ARL3: variants seen among roughly 807,000 people sequenced by gnomAD.
The protein encoded by ARL3 is ADP-ribosylation factor-like protein 3.
ARL3 carries 9 observed loss-of-function variants against 26.0 expected under a neutral mutation model. The observed-to-expected ratio is 0.35, with a 90% CI of 0.21 to 0.60. ARL3 has a LOEUF of 0.60. Ranked by LOEUF, ARL3 falls within the 20% of genes least tolerant of loss-of-function variation. The probability of loss-of-function intolerance (pLI) is 0.78; values close to 1 mark genes in which losing one functional copy is unlikely to be tolerated. For missense variants in ARL3, 158 were observed against 215.7 expected (o/e 0.73, Z 1.67); for synonymous variants, 71 against 78.4 (o/e 0.91, Z 0.50).
intron 3 of ARL3, among the ~76,000 whole-genome samples, chr10:102,694,263 A>G (rs1453012906): frequency 1.3e-5 from 2 of 152,212 alleles, no homozygotes; most frequent in African/African-American, 4.8e-5. Flanking sequence ...TGCTGGGATT[A>G]CAGGCATGAG....
chr10:102,694,656 C>T (rs756353450), intron 3 of ARL3, among the ~76,000 whole-genome samples: 5 of 151,978 alleles, frequency 3.3e-5, no homozygotes, highest in Non-Finnish European at 7.4e-5. Context: ...TCATGTAAGC[C>T]TATTTTGGGG....
chr10:102,686,493 T>G (rs954628833), intron 4 of ARL3, among the ~76,000 whole-genome samples: 9 of 148,972 alleles, frequency 6.0e-5, no homozygotes, highest in African/African-American at 2.3e-4. Flanking sequence ...AGACAGGGTC[T>G]CGCTCTGTCG....
intron 1 of ARL3, among the ~76,000 whole-genome samples, chr10:102,712,120 A>C (rs758891207): frequency 2.6e-5 from 4 of 152,164 alleles, no homozygotes; most frequent in Non-Finnish European, 4.4e-5. Context: ...TTCATCAAGA[A>C]CCTGGCACTG....
At position 102,689,853 on chromosome 10, in the gene ARL3, T is replaced by C. The variant is rs752416943; in HGVS notation, c.315+40A>G. ...TCAAAAAAAAAAAAGTACATACATA[T>C]ATATATATAAGAACTTTGATATAAA... On this transcript the variant is annotated intron_variant, in intron 4 of 5. Transcript: ENST00000260746. 20 of 1,306,912 alleles carry C rather than the reference T, an allele frequency of 1.5e-5. No homozygotes were observed. In the South Asian group the frequency reaches 1.6e-4, roughly 10 times the overall value. The allele number at this position is 1,306,912 out of a possible 1,614,324, so 81.0% of individuals were successfully genotyped here.
rs77149574 is a variant in ARL3 at position 102,698,257 on chromosome 10, G to A, written c.264+1116C>T. ...CACTCTGTCTTCCAGGCTGGAGTGT[G>A]GTGGCCTGATCTCAATCTGGGCTCA... is the stretch of plus-strand genomic sequence containing the variant. On this transcript the variant is annotated intron_variant, in intron 3 of 5. Transcript: ENST00000260746. 1.6e-3 allele frequency among the ~76,000 whole-genome samples: 238 copies of A among 151,720 alleles called. 2 individuals are homozygous for A. Among genetic ancestry groups the A allele is most frequent in the African/African-American group, 5.5e-3 (229 of 41,370 alleles).
At chr10:102,712,850 A>C (rs1408835510) in intron 1 of ARL3, among the ~76,000 whole-genome samples, 1 of 152,212 alleles carries the variant, frequency 6.6e-6, no homozygotes, top group Non-Finnish European at 1.5e-5. Context: ...TCACGTATAA[A>C]TGATTAAGAA....
intron 3 of ARL3, among the ~76,000 whole-genome samples, chr10:102,693,055 C>G (rs1245073015): frequency 2.0e-5 from 3 of 152,176 alleles, no homozygotes; most frequent in Admixed American, 2.0e-4. Context: ...CAATATTCTA[C>G]TATACGGGTG....
chr10:102,698,339 G>A (rs2064260725), intron 3 of ARL3, among the ~76,000 whole-genome samples: 1 of 151,938 alleles, frequency 6.6e-6, no homozygotes, highest in Admixed American at 6.6e-5. Context: ...ACCCCAAACT[G>A]CTGAGATTAC....
Position 102,689,166 on chromosome 10 carries a change from T to C in ARL3, c.315+727A>G, listed in dbSNP as rs192014154. On this transcript the variant is annotated intron_variant, in intron 4 of 5. Coordinates refer to ENST00000260746, the MANE Select transcript of ARL3 (RefSeq NM_004311.4). Reference sequence around the variant, plus strand: ...GGTGAAACCCTGTCTCTACTAAAAATACAAAAAAATTAGCCGGGCGTGGTG... The same window carrying C: ...GGTGAAACCCTGTCTCTACTAAAAACACAAAAAAATTAGCCGGGCGTGGTG... 2.1e-3 allele frequency among the ~76,000 whole-genome samples: 320 copies of C among 151,672 alleles called. 3 individuals are homozygous for C. Among genetic ancestry groups the C allele is most frequent in the African/African-American group, 7.6e-3 (314 of 41,352 alleles).
At chr10:102,712,693 A>G (rs755126585) in intron 1 of ARL3, among the ~76,000 whole-genome samples, 1 of 151,928 alleles carries the variant, frequency 6.6e-6, no homozygotes, top group Non-Finnish European at 1.5e-5. Context: ...AAGTTAGCCA[A>G]CTCTCATGCA....
rs1477938633 is a variant in ARL3, at chr10:102,711,354, GTATGTA to G, written c.3+2913_3+2918del. Reference sequence around the variant, plus strand: ...TGTGTGTGTATATATATATATATATGTATGTATATGTATCTGTATATATATATGTAT... The same window carrying G: ...TGTGTGTGTATATATATATATATATGTATGTATCTGTATATATATATGTAT... On this transcript the variant is annotated intron_variant, in intron 1 of 5. Transcript: ENST00000260746. Among the ~76,000 whole-genome samples the G allele has an allele frequency of 6.1e-5, 9 of 148,684 alleles. 1 individual carries two copies. In the South Asian group the frequency reaches 6.4e-4, roughly 11 times the overall value.
chr10:102,693,106 T>G (rs2064228527), intron 3 of ARL3, among the ~76,000 whole-genome samples: 1 of 152,234 alleles, frequency 6.6e-6, no homozygotes, highest in Non-Finnish European at 1.5e-5. Context: ...GAAGGACATC[T>G]TGGATGCTTC....
rs566866967 is a variant in ARL3, at chr10:102,676,850, C to T, written c.*44G>A. On this transcript the variant is annotated 3_prime_UTR_variant, in exon 6 of 6. Coordinates refer to ENST00000260746, the MANE Select transcript of ARL3 (RefSeq NM_004311.4). ...GCAGCAAATTAGTGTTTTTCAGGAC[C>T]GAATTCGGCTCCCGCAGCTCCTGCA... The T allele has an allele frequency of 1.0e-5, 16 of 1,602,938 alleles. No homozygotes were observed. The highest frequency in any genetic ancestry group is 7.7e-5 in the South Asian group (7 of 90,810).
At chr10:102,708,908 A>ATATTTT in intron 1 of ARL3, among the ~76,000 whole-genome samples, 4 of 95,326 alleles carry the variant, frequency 4.2e-5, no homozygotes, top group African/African-American at 8.4e-5. Flanking sequence ...ATATATATAT[A>ATATTTT]TTTTTTTTTT....
rs1368000848 is a variant in ARL3 at position 102,691,523 on chromosome 10, G to A, written c.265-1580C>T. ...TGGCTATGTTCCAAGTAACTTCATGGACACTGAAATGTGAATTTCATATAA... is the reference window on the plus strand; with the variant it reads ...TGGCTATGTTCCAAGTAACTTCATGAACACTGAAATGTGAATTTCATATAA... On this transcript the variant is annotated intron_variant, in intron 3 of 5. Transcript: ENST00000260746. Among the ~76,000 whole-genome samples the A allele has an allele frequency of 4.6e-5, 7 of 152,140 alleles. No homozygotes were observed. The East Asian group carries it at 1.4e-3, about 29-fold the overall frequency.
chr10:102,682,911 T>C (rs2064162701), intron 5 of ARL3, among the ~76,000 whole-genome samples: 1 of 151,740 alleles, frequency 6.6e-6, no homozygotes, highest in Non-Finnish European at 1.5e-5. Flanking sequence ...TGGGGTGGGG[T>C]AGGGAGGAAA....
chr10:102,710,158 G>A (rs143413637), intron 1 of ARL3, among the ~76,000 whole-genome samples: 31 of 152,202 alleles, frequency 2.0e-4, no homozygotes, highest in African/African-American at 6.7e-4. Flanking sequence ...CTTCACCTTT[G>A]AGTGAAATTA....
chr10:102,689,932 G>A lies in ARL3; in HGVS notation c.276C>T (p.Ile92=), dbSNP rs138670218. The A allele has an allele frequency of 5.1e-5, 81 of 1,595,168 alleles. No homozygotes were observed. Among genetic ancestry groups the A allele is most frequent in the Middle Eastern group, 1.7e-4 (1 of 5,920 alleles). ...CAAATCTTTTTCTGTCTGCACTGTCGATTACATATATCTATAAAGGAAAAG... is the reference window on the plus strand; with the variant it reads ...CAAATCTTTTTCTGTCTGCACTGTCAATTACATATATCTATAAAGGAAAAG... ...FENTDILIYV[I]DSADRKRFEE... is the part of the protein sequence containing the mutation. Residue 92 remains isoleucine, a synonymous_variant, in exon 4 of 6, where the codon ATC becomes ATT. Coordinates refer to ENST00000260746, the MANE Select transcript of ARL3 (RefSeq NM_004311.4).
chr10:102,706,729 G>A (rs1159996670), intron 1 of ARL3, among the ~76,000 whole-genome samples: 1 of 152,010 alleles, frequency 6.6e-6, no homozygotes, highest in Non-Finnish European at 1.5e-5. Flanking sequence ...GGAGTGCAGT[G>A]GTGCAATCTC....
Sources: gnomAD v4.1 joint callset for allele counts (sites outside exome capture counted in the v4.1 genomes callset) on GRCh38, gnomAD v4.1.1 for gene constraint, MANE v1.5 for transcripts, NCBI Gene and HGNC (gene_info 2026-07-23, HGNC 2026-07-21) for gene names.